ZNF804A: variants seen among roughly 807,000 people sequenced by gnomAD.
ZNF804A encodes zinc finger protein 804A.
A neutral mutation model predicts 16.5 loss-of-function variants in ZNF804A; 2 were observed. That is an observed-to-expected ratio of 0.12 (90% CI 0.05 to 0.38). The LOEUF (loss-of-function observed/expected upper bound fraction) is 0.38. ZNF804A is among the 10% of genes least tolerant of loss of function. ZNF804A has a pLI of 0.99. For synonymous variants in ZNF804A, 534 were observed against 489.6 expected (o/e 1.09, Z -1.20); for missense variants, 1,473 against 1,390.7 (o/e 1.06, Z -0.94).
intron 1 of ZNF804A, among the ~76,000 whole-genome samples, chr2:184,852,397 T>C (rs1695619968): frequency 6.6e-6 from 1 of 151,348 alleles, no homozygotes; most frequent in Admixed American, 6.6e-5. Flanking sequence ...GGTTGTCTCT[T>C]CATCCTATTA....
chr2:184,730,192 T>G (rs1693489719), intron 1 of ZNF804A, among the ~76,000 whole-genome samples: 1 of 152,164 alleles, frequency 6.6e-6, no homozygotes, highest in African/African-American at 2.4e-5. Flanking sequence ...GACGATTTTC[T>G]TTAACTTGGT....
intron 1 of ZNF804A, among the ~76,000 whole-genome samples, chr2:184,780,173 G>T (rs1460508119): frequency 1.3e-5 from 2 of 151,738 alleles, no homozygotes; most frequent in Non-Finnish European, 2.9e-5. Context: ...TTTCCACACA[G>T]GTGCCAGGTT....
At chr2:184,874,512 G>A (rs779485446) in intron 2 of ZNF804A, among the ~76,000 whole-genome samples, 7 of 152,086 alleles carry the variant, frequency 4.6e-5, no homozygotes, top group Non-Finnish European at 1.0e-4. Flanking sequence ...TCAGTAGTAA[G>A]TGGAGAATTA....
chr2:184,641,986 A>G (rs1056047937), intron 1 of ZNF804A, among the ~76,000 whole-genome samples: 2 of 152,172 alleles, frequency 1.3e-5, no homozygotes, highest in African/African-American at 4.8e-5. Flanking sequence ...CTGAAATATT[A>G]TCTCCTTTAA....
intron 2 of ZNF804A, among the ~76,000 whole-genome samples, chr2:184,922,511 A>T (rs893454371): frequency 1.3e-5 from 2 of 151,902 alleles, no homozygotes; most frequent in African/African-American, 4.8e-5. Context: ...GCCTTGTCAG[A>T]TGGGTAGTTT....
intron 1 of ZNF804A, among the ~76,000 whole-genome samples, chr2:184,823,932 A>G (rs1695122669): frequency 6.6e-6 from 1 of 152,194 alleles, no homozygotes; most frequent in South Asian, 2.1e-4. Context: ...AGAGCATAAC[A>G]AATTTTCTCC....
intron 1 of ZNF804A, among the ~76,000 whole-genome samples, chr2:184,694,584 A>G (rs1262877627): frequency 6.6e-6 from 1 of 152,164 alleles, no homozygotes; most frequent in East Asian, 1.9e-4. Context: ...GGCATTATCT[A>G]AGTTTGAGTT....
chr2:184,673,139 A>C (rs1450132596), intron 1 of ZNF804A, among the ~76,000 whole-genome samples: 1 of 152,224 alleles, frequency 6.6e-6, no homozygotes, highest in Admixed American at 6.5e-5. Context: ...GGGTATGAAA[A>C]GATGAGAAGG....
chr2:184,704,569 G>A lies in ZNF804A; in HGVS notation c.111+105499G>A, dbSNP rs1240045958. Among the ~76,000 whole-genome samples, 6 of 152,090 alleles carry A rather than the reference G, an allele frequency of 3.9e-5. No individual in the cohort carries two copies. In the East Asian group the frequency reaches 7.7e-4, roughly 20 times the overall value. ...GGTTAAGTTCTTGTGGAAGATTAGT[G>A]AAAAAATAAATTAGTCAGAGTCCTA... On this transcript the variant is annotated intron_variant, in intron 1 of 3. Transcript: ENST00000302277.
rs559620316 is a variant in ZNF804A at position 184,703,546 on chromosome 2, C to T, written c.111+104476C>T. On this transcript the variant is annotated intron_variant, in intron 1 of 3. Transcript: ENST00000302277. ...TCTACTAAAACACAAAAAAATTAGC[C>T]GGGCGTGGTGGCGGGCGCCTGTAGT... Among the ~76,000 whole-genome samples, 28 of 151,590 alleles carry T rather than the reference C, an allele frequency of 1.8e-4. No individual in the cohort carries two copies. In the East Asian group the frequency reaches 2.5e-3, roughly 14 times the overall value.
intron 1 of ZNF804A, among the ~76,000 whole-genome samples, chr2:184,608,380 A>T (rs534087496): frequency 6.6e-6 from 1 of 152,328 alleles, no homozygotes; most frequent in East Asian, 1.9e-4. Flanking sequence ...ACAATTCCAT[A>T]TTGGGTATCT....
intron 1 of ZNF804A, among the ~76,000 whole-genome samples, chr2:184,636,549 C>CTGTGTGTG (rs71011052): frequency 3.6e-4 from 50 of 138,620 alleles, no homozygotes; most frequent in Middle Eastern, 7.6e-3. Context: ...GGCTCTAGGG[C>CTGTGTGTG]TGTGTGTGTG....
intron 1 of ZNF804A, among the ~76,000 whole-genome samples, chr2:184,819,916 G>A (rs1695045349): frequency 6.6e-6 from 1 of 151,952 alleles, no homozygotes; most frequent in South Asian, 2.1e-4. Context: ...TGAAATTAAG[G>A]CAGTAATAAA....
chr2:184,609,045 A>G (rs1200771071), intron 1 of ZNF804A, among the ~76,000 whole-genome samples: 1 of 152,236 alleles, frequency 6.6e-6, no homozygotes, highest in Non-Finnish European at 1.5e-5. Flanking sequence ...ACATAGTCCA[A>G]GAGTTTTAGG....
chr2:184,937,418 T>C lies in ZNF804A; in HGVS notation c.2022T>C (p.Cys674=), dbSNP rs778401377. ...SISLSDNEEM[C]KTWNTEYNTY... ...CCTTAAGTGACAATGAAGAAATGTGTAAAACATGGAATACTGAATACAACA... is the reference window on the plus strand; with the variant it reads ...CCTTAAGTGACAATGAAGAAATGTGCAAAACATGGAATACTGAATACAACA... The change falls in exon 4 of 4, where the codon TGT becomes TGC. Residue 674 remains cysteine, a synonymous_variant. Transcript: ENST00000302277. 7 of 1,612,532 alleles carry C rather than the reference T, an allele frequency of 4.3e-6. No individual in the cohort carries two copies. In the South Asian group the frequency reaches 6.6e-5, roughly 15 times the overall value.
At chr2:184,661,694 T>C (rs1692178246) in intron 1 of ZNF804A, among the ~76,000 whole-genome samples, 1 of 152,186 alleles carries the variant, frequency 6.6e-6, no homozygotes, top group African/African-American at 2.4e-5. Context: ...TCATGGACTC[T>C]ACCGGAACCA....
At chr2:184,841,131 A>G (rs1695430960) in intron 1 of ZNF804A, among the ~76,000 whole-genome samples, 1 of 152,002 alleles carries the variant, frequency 6.6e-6, no homozygotes, top group Admixed American at 6.6e-5. Flanking sequence ...CGTTTTTGTC[A>G]TATGTCCCTG....
At chr2:184,620,516 A>G (rs1404703863) in intron 1 of ZNF804A, among the ~76,000 whole-genome samples, 2 of 151,786 alleles carry the variant, frequency 1.3e-5, no homozygotes, top group East Asian at 1.9e-4. Flanking sequence ...GAACTCATCT[A>G]TTTATTCATC....
intron 1 of ZNF804A, among the ~76,000 whole-genome samples, chr2:184,694,012 C>T (rs1397461377): frequency 6.7e-6 from 1 of 149,066 alleles, no homozygotes; most frequent in East Asian, 2.0e-4. Flanking sequence ...TCACTGCAAA[C>T]TCCACCTTTT....
Sources: allele counts gnomAD v4.1 joint callset (sites outside exome capture counted in the v4.1 genomes callset), GRCh38; gene constraint gnomAD v4.1.1; transcripts MANE v1.5; gene names NCBI Gene and HGNC (gene_info 2026-07-23, HGNC 2026-07-21).